The following KIAA1217 variants were observed in gnomAD, a reference collection of about 807,000 sequenced individuals.
The protein encoded by KIAA1217 is KIAA1217.
A neutral mutation model predicts 163.9 loss-of-function variants in KIAA1217; 88 were observed. The ratio of observed to expected loss-of-function variants is 0.54; its 90% confidence interval spans 0.45 to 0.64. The LOEUF is 0.64. Among genes scored for constraint, KIAA1217 ranks in the 30% least tolerant of loss-of-function variants. The pLI, the probability that KIAA1217 is intolerant of heterozygous loss-of-function variation, is 0.00. For synonymous variants in KIAA1217, 903 were observed against 923.1 expected, an observed-to-expected ratio of 0.98 and a Z score of 0.39; for missense variants, 2,372 against 2,475.0, an observed-to-expected ratio of 0.96 and a Z score of 0.88.
intron 1 of KIAA1217, among the ~76,000 whole-genome samples, chr10:23,777,634 A>T (rs530561283): frequency 6.6e-6 from 1 of 152,306 alleles, no homozygotes; most frequent in Non-Finnish European, 1.5e-5. Context: ...AAGGTCCAAC[A>T]GCTTAGAGTT....
chr10:24,512,519 C>T (rs117098028), intron 9 of KIAA1217, among the ~76,000 whole-genome samples: 2,244 of 152,234 alleles, frequency 0.015, 27 homozygotes, highest in Admixed American at 0.029. Context: ...AGAATGTTCT[C>T]GGAACTGTTT....
chr10:23,914,487 T>A (rs1388278617), intron 1 of KIAA1217, among the ~76,000 whole-genome samples: 4 of 152,054 alleles, frequency 2.6e-5, no homozygotes, highest in East Asian at 3.9e-4. Flanking sequence ...CTAATTTTTT[T>A]AATTTTTGTA....
intron 1 of KIAA1217, among the ~76,000 whole-genome samples, chr10:23,712,048 G>C (rs1837291069): frequency 6.6e-6 from 1 of 152,110 alleles, no homozygotes; most frequent in Non-Finnish European, 1.5e-5. Flanking sequence ...CAAATCTCAT[G>C]TGAGACATTC....
intron 4 of KIAA1217, 110 bp from the exon 5 acceptor site, chr10:24,438,276 C>T (rs1179243675): frequency 2.7e-5 from 20 of 742,942 alleles, no homozygotes; most frequent in Non-Finnish European, 4.6e-5. Flanking sequence ...TGTAGATAGC[C>T]TTTGGATTGT....
At chr10:24,329,452 G>A (rs1198255486) in intron 2 of KIAA1217, among the ~76,000 whole-genome samples, 2 of 151,924 alleles carry the variant, frequency 1.3e-5, no homozygotes, top group African/African-American at 2.4e-5. Flanking sequence ...TTTCTTCAGA[G>A]CCAAAGGAGA....
At chr10:24,187,832 G>C (rs1310088350) in intron 2 of KIAA1217, among the ~76,000 whole-genome samples, 2 of 151,956 alleles carry the variant, frequency 1.3e-5, no homozygotes, top group Admixed American at 6.6e-5. Context: ...GGAAGTTGCA[G>C]TGAGCCAAGA....
chr10:24,289,891 A>G (rs1055074194), intron 2 of KIAA1217, among the ~76,000 whole-genome samples: 1 of 152,170 alleles, frequency 6.6e-6, no homozygotes, highest in East Asian at 1.9e-4. Flanking sequence ...GTGCTAGATC[A>G]TGGCACCCAG....
intron 1 of KIAA1217, among the ~76,000 whole-genome samples, chr10:23,904,615 G>T (rs563934208): frequency 6.6e-6 from 1 of 152,118 alleles, no homozygotes; most frequent in African/African-American, 2.4e-5. Flanking sequence ...ACCATGCATT[G>T]GTTCTTGAGT....
chr10:23,858,000 C>T (rs114253962), intron 1 of KIAA1217, among the ~76,000 whole-genome samples: 1 of 150,204 alleles, frequency 6.7e-6, no homozygotes, highest in African/African-American at 2.4e-5. Flanking sequence ...AAGTAGGAGA[C>T]AGCAGCTGGG....
chr10:23,837,366 G>A lies in KIAA1217; in HGVS notation c.-321+142132G>A, dbSNP rs566110955. On this transcript the variant is annotated intron_variant, in intron 1 of 18. Transcript: ENST00000376462. ...CAACCCAGTTCCCTGCCTTCTTCCC[G>A]GATGACTTCAATGTCCAGAGAAATG... 2.0e-4 allele frequency among the ~76,000 whole-genome samples: 31 copies of A among 152,116 alleles called. No homozygotes were observed. The East Asian group carries it at 3.3e-3, about 16-fold the overall frequency.
chr10:24,537,107 T>C (rs761159059), intron 17 of KIAA1217, among the ~76,000 whole-genome samples: 3 of 152,080 alleles, frequency 2.0e-5, no homozygotes, highest in Non-Finnish European at 2.9e-5. Context: ...CATACAATAG[T>C]ATATGCAGAA....
intron 1 of KIAA1217, among the ~76,000 whole-genome samples, chr10:23,949,112 C>A (rs919090334): frequency 6.6e-6 from 1 of 152,142 alleles, no homozygotes; most frequent in South Asian, 2.1e-4. Context: ...GACCTTTCAC[C>A]TTTTAGGGAT....
chr10:23,974,903 A>T (rs574089330), intron 1 of KIAA1217, among the ~76,000 whole-genome samples: 13 of 150,116 alleles, frequency 8.7e-5, no homozygotes, highest in South Asian at 4.4e-4. Flanking sequence ...ATAGATAGGC[A>T]TCTGCTCTTT....
intron 2 of KIAA1217, among the ~76,000 whole-genome samples, chr10:24,170,492 G>A (rs898983303): frequency 6.6e-6 from 1 of 152,174 alleles, no homozygotes; most frequent in African/African-American, 2.4e-5. Context: ...GGGTTTCACA[G>A]GGATGCACTG....
At chr10:23,888,410 T>TA (rs1206616070) in intron 1 of KIAA1217, among the ~76,000 whole-genome samples, 1 of 151,982 alleles carries the variant, frequency 6.6e-6, no homozygotes, top group African/African-American at 2.4e-5. Context: ...GTGAGTGAGA[T>TA]AGACTACTCC....
chr10:23,885,557 A>G (rs1841135695), intron 1 of KIAA1217, among the ~76,000 whole-genome samples: 1 of 151,980 alleles, frequency 6.6e-6, no homozygotes, highest in Non-Finnish European at 1.5e-5. Context: ...TTCTCTCTTT[A>G]TAGACTTGAT....
At chr10:24,478,934 CAG>C (rs1190712204) in intron 6 of KIAA1217, among the ~76,000 whole-genome samples, 33 of 152,310 alleles carry the variant, frequency 2.2e-4, no homozygotes, top group African/African-American at 7.7e-4. Context: ...AAATATGTAA[CAG>C]ATTCCTCCAA....
chr10:24,497,714 T>C (rs988234858), intron 8 of KIAA1217, among the ~76,000 whole-genome samples: 16 of 147,248 alleles, frequency 1.1e-4, no homozygotes, highest in Admixed American at 2.0e-4. Context: ...AGCAAGACCT[T>C]GTCTCAAAAA....
intron 1 of KIAA1217, among the ~76,000 whole-genome samples, chr10:23,962,537 C>T (rs181670418): frequency 5.0e-4 from 76 of 152,188 alleles, no homozygotes; most frequent in Admixed American, 4.6e-4. Context: ...TTTATAGCTC[C>T]GATGAACTTC....
Sources: allele counts gnomAD v4.1 joint callset (sites outside exome capture counted in the v4.1 genomes callset), GRCh38; gene constraint gnomAD v4.1.1; transcripts MANE v1.5; gene names NCBI Gene and HGNC (gene_info 2026-07-23, HGNC 2026-07-21).